PTPN12: variants seen among roughly 807,000 people sequenced by gnomAD.
PTPN12 encodes tyrosine-protein phosphatase non-receptor type 12.
Under a neutral mutation model 97.6 loss-of-function variants are expected in PTPN12, and 29 were observed. The observed-to-expected ratio is 0.30, with a 90% CI of 0.22 to 0.41. The LOEUF (loss-of-function observed/expected upper bound fraction) is 0.41, where lower values mean the gene tolerates loss of function less well. Ranked by LOEUF, PTPN12 falls within the 10% of genes least tolerant of loss-of-function variation. PTPN12 has a pLI of 1.00. For missense variants in PTPN12, 819 were observed against 926.0 expected (o/e 0.88, Z 1.50); for synonymous variants, 327 against 300.4 (o/e 1.09, Z -0.91).
intron 11 of PTPN12, among the ~76,000 whole-genome samples, chr7:77,615,048 T>TA (rs1788703406): frequency 6.6e-6 from 1 of 152,174 alleles, no homozygotes; most frequent in Non-Finnish European, 1.5e-5. Context: ...GCCTGTATCA[T>TA]ATTGACTGAG....
intron 7 of PTPN12, among the ~76,000 whole-genome samples, chr7:77,600,242 A>T (rs1231193912): frequency 6.6e-6 from 1 of 152,064 alleles, no homozygotes; most frequent in Admixed American, 6.6e-5. Flanking sequence ...ACTCTAACCT[A>T]CTCTAACATG....
At chr7:77,577,238 A>G (rs1197630954) in intron 2 of PTPN12, among the ~76,000 whole-genome samples, 1 of 152,146 alleles carries the variant, frequency 6.6e-6, no homozygotes, top group African/African-American at 2.4e-5. Flanking sequence ...TGGCTTTTAA[A>G]TCAGGCAGCC....
At chr7:77,630,605 G>A (rs1450103841) in intron 13 of PTPN12, among the ~76,000 whole-genome samples, 4 of 152,170 alleles carry the variant, frequency 2.6e-5, no homozygotes, top group Non-Finnish European at 5.9e-5. Context: ...TTACAGGACC[G>A]CTGTTGTTTA....
chr7:77,576,508 C>T (rs894800335), intron 2 of PTPN12, among the ~76,000 whole-genome samples: 1 of 152,044 alleles, frequency 6.6e-6, no homozygotes. Flanking sequence ...ACCAGCCTGG[C>T]CAATACGGTG....
At chr7:77,639,180 T>C in intron 17 of PTPN12, 39 bp from the exon 18 acceptor site, 2 of 1,518,216 alleles carry the variant, frequency 1.3e-6, no homozygotes, top group Non-Finnish European at 1.8e-6. Context: ...TGAAAGTATT[T>C]CTGAACACTG....
chr7:77,616,258 C>G (rs1346019389), intron 11 of PTPN12, among the ~76,000 whole-genome samples: 1 of 152,112 alleles, frequency 6.6e-6, no homozygotes, highest in African/African-American at 2.4e-5. Flanking sequence ...TACTTTTTCT[C>G]AATTATATTC....
chr7:77,553,027 GAGAC>G (rs1186783636), intron 1 of PTPN12, among the ~76,000 whole-genome samples: 1 of 152,214 alleles, frequency 6.6e-6, no homozygotes, highest in African/African-American at 2.4e-5. Context: ...TTTGGTGACA[GAGAC>G]AGAAAGAATG....
chr7:77,537,768 C>CA, intron 1 of PTPN12, 123 bp downstream of exon 1: 1 of 1,101,242 alleles, frequency 9.1e-7, no homozygotes, highest in Non-Finnish European at 1.2e-6. Flanking sequence ...GGGCGCGCAC[C>CA]AGCCGGGTGA....
intron 11 of PTPN12, 104 bp downstream of exon 11, chr7:77,611,150 A>G (rs1788556344): frequency 1.2e-6 from 1 of 841,106 alleles, no homozygotes; most frequent in Non-Finnish European, 1.9e-6. Context: ...ACATGAGAAG[A>G]ATATCCAGGA....
chr7:77,600,380 T>C lies in PTPN12; in HGVS notation c.553-284T>C, dbSNP rs1378730787. ...TTTAGAGCCCACACTTGTCACTTCTTAGGAAAGTTTGGGCAAGTTATTTTA... is the reference window on the plus strand; with the variant it reads ...TTTAGAGCCCACACTTGTCACTTCTCAGGAAAGTTTGGGCAAGTTATTTTA... On this transcript the variant is annotated intron_variant, in intron 7 of 17. Coordinates refer to ENST00000248594, the MANE Select transcript of PTPN12 (RefSeq NM_002835.4). 2.6e-5 allele frequency among the ~76,000 whole-genome samples: 4 copies of C among 152,196 alleles called. No homozygotes were observed. In the East Asian group the frequency reaches 7.7e-4, roughly 29 times the overall value.
chr7:77,626,837 A>G lies in PTPN12; in HGVS notation c.1158A>G (p.Arg386=), dbSNP rs1789204669. The G allele has an allele frequency of 6.2e-7, 1 of 1,613,984 alleles. No homozygotes were observed. The highest frequency in any genetic ancestry group is 1.3e-5 in the African/African-American group (1 of 74,902). ...CTACTGTGTGGCAGGACAATGATAGATACCATCCAAAGCCAGTGTTGCATA... is the reference window on the plus strand; with the variant it reads ...CTACTGTGTGGCAGGACAATGATAGGTACCATCCAAAGCCAGTGTTGCATA... The part of the protein sequence containing the change: ...TVTTVWQDND[R]YHPKPVLHMV... The change falls in exon 13 of 18, where the codon AGA becomes AGG. Residue 386 remains arginine, a synonymous_variant. Coordinates refer to ENST00000248594, the MANE Select transcript of PTPN12 (RefSeq NM_002835.4).
At chr7:77,559,018 A>G (rs1355666938) in intron 1 of PTPN12, among the ~76,000 whole-genome samples, 7 of 152,184 alleles carry the variant, frequency 4.6e-5, no homozygotes, top group Non-Finnish European at 1.0e-4. Flanking sequence ...TCTCTCTGAA[A>G]AACAAAAATA....
chr7:77,635,950 A>T (rs1789574732), intron 15 of PTPN12, 101 bp downstream of exon 15: 5 of 698,556 alleles, frequency 7.2e-6, no homozygotes, highest in Non-Finnish European at 1.1e-5. Flanking sequence ...AAGATCGTTA[A>T]ATATAGTTTG....
chr7:77,626,993 T>G lies in PTPN12; in HGVS notation c.1314T>G (p.Ile438Met). 2 of 1,609,554 alleles carry G rather than the reference T, an allele frequency of 1.2e-6. No individual in the cohort carries two copies. Among genetic ancestry groups the G allele is most frequent in the African/African-American group, 1.3e-5 (1 of 74,524 alleles). ...TGGAACGAAATTTAAGTTTTGAGAT[T>G]AAGAAGGTCCCTCTCCAAGAGGGAC... ...KKLERNLSFEIKKVPLQEGPK... is the reference protein window; with the variant it reads ...KKLERNLSFEMKKVPLQEGPK... The change falls in exon 13 of 18, where the codon ATT becomes ATG. Residue 438 changes from isoleucine (I) to methionine (M), a missense_variant. This residue lies in a region of PTPN12 where 607 missense variants were observed against 577.3 expected (regional missense o/e 1.05). Transcript: ENST00000248594.
chr7:77,612,577 C>G (rs1356964171), intron 11 of PTPN12, among the ~76,000 whole-genome samples: 1 of 148,082 alleles, frequency 6.8e-6, no homozygotes, highest in Non-Finnish European at 1.5e-5. Flanking sequence ...TAGCTGGGAT[C>G]ACAAGCATGT....
At chr7:77,633,979 C>T (rs563744963) in intron 14 of PTPN12, among the ~76,000 whole-genome samples, 166 of 151,564 alleles carry the variant, frequency 1.1e-3, no homozygotes, top group South Asian at 5.0e-3. Flanking sequence ...GCTGAGACCA[C>T]GCCATTGCAT....
chr7:77,601,896 T>G (rs1040129664), intron 8 of PTPN12, among the ~76,000 whole-genome samples: 2 of 152,194 alleles, frequency 1.3e-5, no homozygotes, highest in African/African-American at 4.8e-5. Flanking sequence ...TACTAGACAT[T>G]TTTATTATGT....
At chr7:77,601,370 A>C (rs76159893) in intron 8 of PTPN12, among the ~76,000 whole-genome samples, 2 of 152,040 alleles carry the variant, frequency 1.3e-5, no homozygotes, top group African/African-American at 4.8e-5. Context: ...TTTTTTAATT[A>C]AAAAAAATTT....
At chr7:77,618,734 T>C (rs1364214112) in intron 12 of PTPN12, among the ~76,000 whole-genome samples, 169 bp downstream of exon 12, 1 of 152,190 alleles carries the variant, frequency 6.6e-6, no homozygotes, top group Non-Finnish European at 1.5e-5. Flanking sequence ...TTATTAAAAA[T>C]TTGGTTTCAT....
Sources: allele counts gnomAD v4.1 joint callset (sites outside exome capture counted in the v4.1 genomes callset), GRCh38; gene constraint gnomAD v4.1.1; regional missense constraint gnomAD v4.1.1; transcripts MANE v1.5; gene names NCBI Gene and HGNC (gene_info 2026-07-23, HGNC 2026-07-21).